Variants in AKR1C1 observed in about 807,000 individuals in gnomAD.
AKR1C1 encodes 20 alpha-hydroxysteroid dehydrogenase.
A neutral mutation model predicts 40.6 loss-of-function variants in AKR1C1; 32 were observed. The observed-to-expected ratio is 0.79, with a 90% confidence interval of 0.60 to 1.06. AKR1C1 has a LOEUF of 1.06. AKR1C1 is among the 50% of genes least tolerant of loss of function. The pLI is 0.00. For synonymous variants in AKR1C1, 105 were observed against 134.2 expected, an observed-to-expected ratio of 0.78 and a Z score of 1.50; for missense variants, 320 against 363.5, an observed-to-expected ratio of 0.88 and a Z score of 0.97.
intron 8 of AKR1C1, among the ~76,000 whole-genome samples, chr10:4,977,414 C>T (rs1836543064): frequency 6.6e-6 from 1 of 151,560 alleles, no homozygotes; most frequent in East Asian, 1.9e-4. Context: ...GTCAGTATAT[C>T]TCTTTGCTCT....
chr10:4,969,545 C>A, intron 5 of AKR1C1: 4 of 923,032 alleles, frequency 4.3e-6, no homozygotes, highest in Non-Finnish European at 5.0e-6. Flanking sequence ...GAAATCCACA[C>A]TGAGGAAGGT....
intron 5 of AKR1C1, chr10:4,969,650 T>C: frequency 6.2e-7 from 1 of 1,607,664 alleles, no homozygotes; most frequent in East Asian, 2.2e-5. Context: ...TAAACACATC[T>C]ATTCTCTATG....
intron 1 of AKR1C1, among the ~76,000 whole-genome samples, chr10:4,965,115 A>G (rs761304597): frequency 1.1e-4 from 16 of 152,244 alleles, no homozygotes; most frequent in Non-Finnish European, 1.8e-4. Context: ...CTTGTAGACA[A>G]CAGTTCACAT....
intron 5 of AKR1C1, among the ~76,000 whole-genome samples, chr10:4,970,781 A>C (rs1414596049): frequency 8.2e-6 from 1 of 121,406 alleles, no homozygotes; most frequent in African/African-American, 3.2e-5. Context: ...GGATACAGGA[A>C]GGGGAATATC....
Position 4,980,894 on chromosome 10 carries a change from C to T in AKR1C1, c.*3152C>T, listed in dbSNP as rs1460629149. 1 of 152,150 alleles carries T rather than the reference C, an allele frequency of 6.6e-6. No homozygotes were observed. Among genetic ancestry groups the T allele is most frequent in the Non-Finnish European group, 1.5e-5 (1 of 68,032 alleles). The allele number at this position is 152,150 out of a possible 1,614,324, so 9.4% of individuals were successfully genotyped here. ...TTCAGAAGATTTTCAATTTTCTTTT[C>T]CCAGGTTCTTCAGACAAGTCACCAT... On this transcript the variant is annotated 3_prime_UTR_variant, in exon 9 of 9. Transcript: ENST00000380872.
rs1478055121 is a variant in AKR1C1 at position 4,982,268 on chromosome 10, G to A, written c.*4526G>A. The A allele has an allele frequency of 6.6e-6, 1 of 152,174 alleles. No individual in the cohort carries two copies. The highest frequency in any genetic ancestry group is 1.5e-5 in the Non-Finnish European group (1 of 68,098). The allele number at this position is 152,174 out of a possible 1,614,324, so 9.4% of individuals were successfully genotyped here. On this transcript the variant is annotated 3_prime_UTR_variant, in exon 9 of 9. Coordinates refer to ENST00000380872, the MANE Select transcript of AKR1C1 (RefSeq NM_001353.6). ...GTGTCTCACGACCTGACCTCATAAA[G>A]CCATCTAGTGGATGTTTGTGGCTTA...
Position 4,977,679 on chromosome 10 carries a change from CA to C in AKR1C1, c.930-20del, listed in dbSNP as rs1297427138. ...CGGAGTCATTGCCATTCAGAGTGTG[CA>C]TTTTTTTTTCTCTTTCCAGTTTTGC... On this transcript the variant is annotated intron_variant, in intron 8 of 8. Transcript: ENST00000380872. 6.2e-7 allele frequency: 1 copy of C among 1,611,576 alleles called. No individual in the cohort carries two copies. The highest frequency in any genetic ancestry group is 8.5e-7 in the Non-Finnish European group (1 of 1,178,886).
At chr10:4,974,226 T>A (rs1361334855) in intron 7 of AKR1C1, among the ~76,000 whole-genome samples, 1 of 151,826 alleles carries the variant, frequency 6.6e-6, no homozygotes, top group Non-Finnish European at 1.5e-5. Flanking sequence ...GTGTATGTTC[T>A]CTAATTCATC....
At chr10:4,970,759 A>G (rs185195251) in intron 5 of AKR1C1, among the ~76,000 whole-genome samples, 2,184 of 138,718 alleles carry the variant, frequency 0.016, 18 homozygotes, top group South Asian at 0.039. Flanking sequence ...GAATTGAACA[A>G]TGAGATCACA....
intron 5 of AKR1C1, chr10:4,969,869 C>A (rs1379036454): frequency 1.3e-6 from 1 of 778,680 alleles, no homozygotes; most frequent in Non-Finnish European, 2.0e-6. Flanking sequence ...AGTGGAAATA[C>A]ATATGTATAA....
rs571969675 is a variant in AKR1C1, at chr10:4,966,205, T to A, written c.252+124T>A. The stretch of plus-strand genomic sequence containing the variant: ...CTTATTTATTACGATTTATTCACAC[T>A]TACTCATGTATTAAAACTAATATCA... On this transcript the variant is annotated intron_variant, in intron 2 of 8. Coordinates refer to ENST00000380872, the MANE Select transcript of AKR1C1 (RefSeq NM_001353.6). 137 of 1,478,850 alleles carry A rather than the reference T, an allele frequency of 9.3e-5. No homozygotes were observed. In the African/African-American group the frequency reaches 1.8e-3, roughly 20 times the overall value. 91.6% of individuals were successfully genotyped at this position (1,478,850 alleles called of 1,614,324 possible).
In AKR1C1 at chr10:4,963,436, G is replaced by A. The variant is rs769377816; in HGVS notation, c.-9G>A. The A allele has an allele frequency of 1.9e-6, 3 of 1,614,070 alleles. No individual in the cohort carries two copies. The South Asian group carries it at 3.3e-5, about 18-fold the overall frequency. On this transcript the variant is annotated 5_prime_UTR_variant, in exon 1 of 9. In the 5' UTR this introduces an upstream ATG that the reference lacks. Coordinates refer to ENST00000380872, the MANE Select transcript of AKR1C1 (RefSeq NM_001353.6). Reference sequence around the variant, plus strand: ...AAAGAAACATTTGCCAGCCAGGCTAGTGACAGAAATGGATTCGAAATATCA... The same window carrying A: ...AAAGAAACATTTGCCAGCCAGGCTAATGACAGAAATGGATTCGAAATATCA...
intron 1 of AKR1C1, 135 bp downstream of exon 1, chr10:4,963,663 A>C (rs12773163): frequency 1.3e-6 from 1 of 766,450 alleles, no homozygotes. Flanking sequence ...CTGCAATGCC[A>C]TCTTGTCACA....
intron 5 of AKR1C1, among the ~76,000 whole-genome samples, chr10:4,970,875 A>G (rs1478224861): frequency 1.3e-5 from 2 of 151,590 alleles, no homozygotes; most frequent in Admixed American, 6.6e-5. Flanking sequence ...ACGAGTTAGT[A>G]GGTGCAGCGT....
rs1274415938 is a variant in AKR1C1 at position 4,966,013 on chromosome 10, G to A, written c.184G>A (p.Gly62Arg). 2 of 1,614,086 alleles carry A rather than the reference G, an allele frequency of 1.2e-6. No homozygotes were observed. Among genetic ancestry groups the A allele is most frequent in the Admixed American group, 3.3e-5 (2 of 60,010 alleles). Residue 62 changes from glycine to arginine, a missense_variant, in exon 2 of 9, where the codon GGA becomes AGA. By Grantham distance (125) the Gly-to-Arg change is moderately radical. This residue lies in a region of AKR1C1 where 214 missense variants were observed against 214.8 expected (regional missense o/e 1.00). Transcript: ENST00000380872. ...AHLYNNEEQVGLAIRSKIADG... is the reference protein window; with the variant it reads ...AHLYNNEEQVRLAIRSKIADG... ...TTTATACAATAATGAGGAGCAGGTTGGACTGGCCATCCGAAGCAAGATTGC... is the reference window on the plus strand; with the variant it reads ...TTTATACAATAATGAGGAGCAGGTTAGACTGGCCATCCGAAGCAAGATTGC...
At position 4,981,297 on chromosome 10, in the gene AKR1C1, T is replaced by A. The variant is rs1406508327; in HGVS notation, c.*3555T>A. 1 of 152,218 alleles carries A rather than the reference T, an allele frequency of 6.6e-6. No individual in the cohort carries two copies. The highest frequency in any genetic ancestry group is 2.4e-5 in the African/African-American group (1 of 41,446). The allele number at this position is 152,218 out of a possible 1,614,324, so 9.4% of individuals were successfully genotyped here. On this transcript the variant is annotated 3_prime_UTR_variant, in exon 9 of 9. Transcript: ENST00000380872. ...TAGAATAGTAAATGAACATCATATG[T>A]TGTAATATAGTTAGCCAGGGAGGGG...
At chr10:4,963,745 T>A (rs530426492) in intron 1 of AKR1C1, 6 of 758,150 alleles carry the variant, frequency 7.9e-6, no homozygotes, top group Non-Finnish European at 1.5e-5. Context: ...TGTCAGAGTC[T>A]ATACAACTCA....
Position 4,965,940 on chromosome 10 carries a change from C to T in AKR1C1, c.111C>T (p.Ala37=), listed in dbSNP as rs200575896. 36 of 1,614,142 alleles carry T rather than the reference C, an allele frequency of 2.2e-5. No individual in the cohort carries two copies. The highest frequency in any genetic ancestry group is 2.8e-5 in the Non-Finnish European group (33 of 1,179,986). ...TTCCTAAAAGTAAAGCTTTAGAGGCCACCAAATTGGCAATTGAAGCTGGCT... is the reference window on the plus strand; with the variant it reads ...TTCCTAAAAGTAAAGCTTTAGAGGCTACCAAATTGGCAATTGAAGCTGGCT... ...AEVPKSKALE[A]TKLAIEAGFR... Residue 37 remains alanine (A), a synonymous_variant, in exon 2 of 9, where the codon GCC becomes GCT. Coordinates refer to ENST00000380872, the MANE Select transcript of AKR1C1 (RefSeq NM_001353.6).
At chr10:4,970,813 G>T (rs1278275477) in intron 5 of AKR1C1, among the ~76,000 whole-genome samples, 13 of 116,528 alleles carry the variant, frequency 1.1e-4, no homozygotes, top group African/African-American at 3.2e-4. Flanking sequence ...ACTGTTGTGG[G>T]GTGGGGGGAG....
Sources: gnomAD v4.1 joint callset for allele counts (sites outside exome capture counted in the v4.1 genomes callset) on GRCh38, gnomAD v4.1.1 for gene constraint, gnomAD v4.1.1 regional missense constraint, MANE v1.5 for transcripts, NCBI Gene and HGNC (gene_info 2026-07-23, HGNC 2026-07-21) for gene names.